Variants in PDE4B observed in about 807,000 individuals in gnomAD.
The protein encoded by PDE4B is phosphodiesterase 4B.
In PDE4B, 20 loss-of-function variants were observed where a neutral mutation model predicts 82.2. That is an observed-to-expected ratio of 0.24 (90% CI 0.17 to 0.35). The LOEUF (loss-of-function observed/expected upper bound fraction) is 0.35, where lower values mean the gene tolerates loss of function less well. PDE4B is among the 10% of genes least tolerant of loss of function. The pLI is 1.00. For synonymous variants in PDE4B, 320 were observed against 318.9 expected (o/e 1.00, Z -0.04); for missense variants, 655 against 907.2 (o/e 0.72, Z 3.57).
chr1:65,909,041 A>G (rs1647058149), intron 1 of PDE4B, among the ~76,000 whole-genome samples: 1 of 152,170 alleles, frequency 6.6e-6, no homozygotes, highest in African/African-American at 2.4e-5. Context: ...TAAAACAGTT[A>G]TACGATGGGA....
At chr1:66,116,579 C>T (rs1260985193) in intron 3 of PDE4B, among the ~76,000 whole-genome samples, 1 of 152,098 alleles carries the variant, frequency 6.6e-6, no homozygotes, top group Non-Finnish European at 1.5e-5. Context: ...AGCCCACCAC[C>T]CCATGCAAGA....
Position 66,372,544 on chromosome 1 carries a change from GAGA to G in PDE4B, c.2080_2082del (p.Lys694del). 6.2e-7 allele frequency: 1 copy of G among 1,614,186 alleles called. No individual in the cohort carries two copies. The highest frequency in any genetic ancestry group is 1.7e-4 in the Middle Eastern group (1 of 6,060). On this transcript the variant is annotated inframe_deletion, in exon 17 of 17. Transcript: ENST00000341517. ...CGATGAGGAAGATTCTGAAGGACCTGAGAAGGAGGGAGAGGGACACAGCTATTT... is the reference window on the plus strand; with the variant it reads ...CGATGAGGAAGATTCTGAAGGACCTGAGGAGGGAGAGGGACACAGCTATTT...
intron 3 of PDE4B, among the ~76,000 whole-genome samples, chr1:66,223,606 G>A (rs889516422): frequency 6.6e-6 from 1 of 152,084 alleles, no homozygotes; most frequent in Non-Finnish European, 1.5e-5. Flanking sequence ...CTAGCTGATT[G>A]TTCCCTTTCC....
intron 3 of PDE4B, among the ~76,000 whole-genome samples, chr1:66,004,173 A>C (rs921490066): frequency 2.0e-5 from 3 of 152,220 alleles, no homozygotes; most frequent in African/African-American, 7.2e-5. Flanking sequence ...TATGATGGTT[A>C]GTATAATCCC....
chr1:65,829,307 T>A, intron 1 of PDE4B, among the ~76,000 whole-genome samples: 1 of 152,124 alleles, frequency 6.6e-6, no homozygotes, highest in Non-Finnish European at 1.5e-5. Context: ...CTCAAATACA[T>A]GCAGCAAAAC....
chr1:66,025,592 C>A (rs1467594114), intron 3 of PDE4B, among the ~76,000 whole-genome samples: 1 of 152,192 alleles, frequency 6.6e-6, no homozygotes, highest in Non-Finnish European at 1.5e-5. Context: ...TACCACACCA[C>A]AGGTTTAGCT....
intron 3 of PDE4B, among the ~76,000 whole-genome samples, chr1:66,060,652 C>T (rs540524691): frequency 1.3e-5 from 2 of 152,210 alleles, no homozygotes; most frequent in African/African-American, 4.8e-5. Flanking sequence ...TAGTATTGCC[C>T]ATTTCTTTTT....
chr1:65,854,016 C>G (rs148037552), intron 1 of PDE4B, among the ~76,000 whole-genome samples: 1 of 151,996 alleles, frequency 6.6e-6, no homozygotes, highest in Non-Finnish European at 1.5e-5. Flanking sequence ...GTTTTCTGTG[C>G]CCAGTGGTCC....
rs781276216 is a variant in PDE4B at position 65,835,605 on chromosome 1, A to G, written c.-71+42357A>G. 5.3e-5 allele frequency among the ~76,000 whole-genome samples: 8 copies of G among 152,336 alleles called. No individual in the cohort carries two copies. In the Middle Eastern group the frequency reaches 0.01, roughly 194 times the overall value. ...TTCTCTTGATTGAAATCTATTGATTATCTTAGTGAAGTCACTAGAGGCATC... is the reference window on the plus strand; with the variant it reads ...TTCTCTTGATTGAAATCTATTGATTGTCTTAGTGAAGTCACTAGAGGCATC... On this transcript the variant is annotated intron_variant, in intron 1 of 16. Coordinates refer to ENST00000341517, the MANE Select transcript of PDE4B (RefSeq NM_002600.4).
chr1:66,274,193 T>C (rs748852881), intron 7 of PDE4B, among the ~76,000 whole-genome samples: 18 of 151,636 alleles, frequency 1.2e-4, no homozygotes, highest in Non-Finnish European at 2.7e-4. Flanking sequence ...AGAGTTTCAC[T>C]CTTGTTGCCC....
chr1:65,910,840 C>A (rs1302159484), intron 1 of PDE4B, among the ~76,000 whole-genome samples: 1 of 152,180 alleles, frequency 6.6e-6, no homozygotes, highest in Non-Finnish European at 1.5e-5. Context: ...GAGAACCAGC[C>A]TCCCAGGGCA....
At chr1:66,079,168 C>T (rs1474262709) in intron 3 of PDE4B, among the ~76,000 whole-genome samples, 1 of 64,260 alleles carries the variant, frequency 1.6e-5, no homozygotes, top group Admixed American at 1.6e-4. Context: ...TGCTTCTTTT[C>T]TCTCTCTCTC....
At chr1:65,988,450 T>C (rs1651066934) in intron 3 of PDE4B, among the ~76,000 whole-genome samples, 1 of 152,174 alleles carries the variant, frequency 6.6e-6, no homozygotes, top group African/African-American at 2.4e-5. Flanking sequence ...TGTTAGTTCA[T>C]TGGTGCTCTG....
At chr1:65,991,332 C>T (rs781119640) in intron 3 of PDE4B, among the ~76,000 whole-genome samples, 14 of 152,248 alleles carry the variant, frequency 9.2e-5, no homozygotes, top group Non-Finnish European at 1.5e-4. Context: ...CCGCCTGCCT[C>T]GGCCTCCCAA....
intron 1 of PDE4B, among the ~76,000 whole-genome samples, chr1:65,881,624 A>G (rs981415877): frequency 2.0e-5 from 3 of 152,162 alleles, no homozygotes; most frequent in African/African-American, 4.8e-5. Context: ...CTTGTCTATA[A>G]TTGCCAATAC....
chr1:65,861,894 A>T (rs2100259096), intron 1 of PDE4B, among the ~76,000 whole-genome samples: 1 of 152,100 alleles, frequency 6.6e-6, no homozygotes, highest in South Asian at 2.1e-4. Flanking sequence ...TTGCACATTG[A>T]TTTTTGTATC....
intron 3 of PDE4B, among the ~76,000 whole-genome samples, chr1:65,965,359 C>G (rs1178812320): frequency 6.6e-6 from 1 of 152,038 alleles, no homozygotes; most frequent in Non-Finnish European, 1.5e-5. Context: ...ATCCTATTCT[C>G]AAAGGGTTAC....
At chr1:66,334,808 T>G (rs887197321) in intron 8 of PDE4B, among the ~76,000 whole-genome samples, 1 of 152,228 alleles carries the variant, frequency 6.6e-6, no homozygotes, top group African/African-American at 2.4e-5. Flanking sequence ...ATGACACATA[T>G]GATATAAGGC....
At chr1:65,869,757 T>G (rs970675425) in intron 1 of PDE4B, among the ~76,000 whole-genome samples, 1 of 151,492 alleles carries the variant, frequency 6.6e-6, no homozygotes, top group African/African-American at 2.4e-5. Flanking sequence ...CTGACCAGAG[T>G]GCTCGAAAAA....
Sources: allele counts gnomAD v4.1 joint callset (sites outside exome capture counted in the v4.1 genomes callset), GRCh38; gene constraint gnomAD v4.1.1; transcripts MANE v1.5; gene names NCBI Gene and HGNC (gene_info 2026-07-23, HGNC 2026-07-21).